The following SLC25A48 variants were observed in gnomAD, a reference collection of about 807,000 sequenced individuals.
SLC25A48 encodes CTC-321K16.1.
SLC25A48 carries 29 observed loss-of-function variants against 32.2 expected under a neutral mutation model. The ratio of observed to expected loss-of-function variants is 0.90; its 90% CI spans 0.67 to 1.23. The LOEUF (loss-of-function observed/expected upper bound fraction) is 1.23, where lower values mean the gene tolerates loss of function less well. Ranked by LOEUF, SLC25A48 falls within the 50% of genes most tolerant of loss-of-function variation. The pLI is 0.00. For missense variants in SLC25A48, 399 were observed against 422.7 expected, an observed-to-expected ratio of 0.94 and a Z score of 0.49; for synonymous variants, 164 against 172.3, an observed-to-expected ratio of 0.95 and a Z score of 0.38.
chr5:135,579,237 G>A (rs1391973773), exon 1 of SLC25A48: 2 of 219,992 alleles, frequency 9.1e-6, no homozygotes, highest in South Asian at 1.1e-4. Context: ...ACAACACGCC[G>A]CCTTCGCACA....
chr5:135,765,381 A>C (rs1030274245), intron 3 of SLC25A48, among the ~76,000 whole-genome samples: 2 of 151,334 alleles, frequency 1.3e-5, no homozygotes, highest in Admixed American at 6.6e-5. Context: ...TACTCTTCAT[A>C]TCGCTGGTGG....
In SLC25A48 at chr5:135,602,272, T is replaced by C. The variant is rs1332883053; in HGVS notation, c.-849+22675T>C. Among the ~76,000 whole-genome samples the C allele has an allele frequency of 3.3e-5, 5 of 152,352 alleles. No homozygotes were observed. In the East Asian group the frequency reaches 9.6e-4, roughly 29 times the overall value. ...TTTCCCTCACAAATGTGTTCACCAA[T>C]GTACTTTCCCCAAATCATTTACAAC... is the stretch of plus-strand genomic sequence containing the variant. On this transcript the variant is annotated intron_variant, in intron 1 of 10. Coordinates refer to the SLC25A48 transcript ENST00000646290.
chr5:135,862,624 G>A (rs1241105412), intron 4 of SLC25A48, among the ~76,000 whole-genome samples: 1 of 152,180 alleles, frequency 6.6e-6, no homozygotes, highest in East Asian at 1.9e-4. Context: ...CCCTGACTCT[G>A]GCTTGGTGGA....
At chr5:135,844,517 C>T (rs1017541128) in intron 2 of SLC25A48, among the ~76,000 whole-genome samples, 2 of 152,180 alleles carry the variant, frequency 1.3e-5, no homozygotes, top group Admixed American at 6.5e-5. Context: ...ACCACGCAGG[C>T]TCTAGGTGTG....
chr5:135,656,953 A>G (rs1291565371), intron 3 of SLC25A48, among the ~76,000 whole-genome samples: 2 of 152,158 alleles, frequency 1.3e-5, no homozygotes, highest in African/African-American at 4.8e-5. Context: ...GAAGCCACCC[A>G]GTTAGTGATA....
At chr5:135,734,545 G>A (rs866848315) in intron 3 of SLC25A48, among the ~76,000 whole-genome samples, 1 of 151,960 alleles carries the variant, frequency 6.6e-6, no homozygotes, top group African/African-American at 2.4e-5. Context: ...GAAGGGGAAG[G>A]GGCCGGGTGC....
chr5:135,864,242 G>T (rs959877113), intron 4 of SLC25A48, among the ~76,000 whole-genome samples: 1 of 152,182 alleles, frequency 6.6e-6, no homozygotes, highest in African/African-American at 2.4e-5. Flanking sequence ...TTGCCTGGCT[G>T]GGAGGTCATC....
intron 4 of SLC25A48, among the ~76,000 whole-genome samples, chr5:135,865,101 A>T (rs936983809): frequency 2.9e-4 from 44 of 152,250 alleles, no homozygotes; most frequent in African/African-American, 1.0e-3. Context: ...TAAAAGCCAA[A>T]TGAGGTGGAC....
intron 2 of SLC25A48, among the ~76,000 whole-genome samples, chr5:135,846,154 G>A (rs1759395675): frequency 3.9e-5 from 6 of 152,182 alleles, no homozygotes; most frequent in Admixed American, 3.9e-4. Flanking sequence ...AGGGATCTAG[G>A]TTGCCCGCTC....
At chr5:135,686,743 G>A (rs968117416) in intron 3 of SLC25A48, among the ~76,000 whole-genome samples, 3 of 152,172 alleles carry the variant, frequency 2.0e-5, no homozygotes, top group African/African-American at 7.2e-5. Context: ...ATGGAAAAAG[G>A]GAAGGAAGGA....
chr5:135,600,517 T>C (rs988159237), intron 1 of SLC25A48, among the ~76,000 whole-genome samples: 1 of 152,160 alleles, frequency 6.6e-6, no homozygotes, highest in African/African-American at 2.4e-5. Context: ...CTAACCTTCC[T>C]CGGGCTCCTA....
intron 3 of SLC25A48, among the ~76,000 whole-genome samples, chr5:135,681,053 T>G (rs1262425191): frequency 2.0e-5 from 3 of 152,208 alleles, no homozygotes; most frequent in Non-Finnish European, 4.4e-5. Flanking sequence ...TTGCACGATC[T>G]TGGCTCACCG....
chr5:135,586,493 GGT>G (rs1751368799), intron 1 of SLC25A48, among the ~76,000 whole-genome samples: 1 of 151,082 alleles, frequency 6.6e-6, no homozygotes, highest in Non-Finnish European at 1.5e-5. Flanking sequence ...GTGGTAATGT[GGT>G]GGTCCAAGGA....
intron 3 of SLC25A48, among the ~76,000 whole-genome samples, chr5:135,702,312 A>G (rs573451927): frequency 6.6e-6 from 1 of 152,246 alleles, no homozygotes; most frequent in Non-Finnish European, 1.5e-5. Context: ...CCTATATCCA[A>G]TGACCAGTGT....
At chr5:135,625,326 G>A (rs1272834763) in intron 1 of SLC25A48, among the ~76,000 whole-genome samples, 1 of 152,264 alleles carries the variant, frequency 6.6e-6, no homozygotes, top group East Asian at 1.9e-4. Flanking sequence ...GAGGGGCCCT[G>A]AGAACAGATG....
intron 3 of SLC25A48, among the ~76,000 whole-genome samples, chr5:135,796,694 T>C (rs879066134): frequency 6.6e-6 from 1 of 151,482 alleles, no homozygotes; most frequent in Admixed American, 6.6e-5. Context: ...TTCTGTGATA[T>C]GGTTTGTAAT....
At chr5:135,680,382 A>T (rs1753866300) in intron 3 of SLC25A48, among the ~76,000 whole-genome samples, 1 of 152,168 alleles carries the variant, frequency 6.6e-6, no homozygotes, top group Non-Finnish European at 1.5e-5. Context: ...TCCACCCCCA[A>T]AATCCTGTTG....
At chr5:135,616,211 G>A (rs552722162) in intron 1 of SLC25A48, among the ~76,000 whole-genome samples, 1 of 152,272 alleles carries the variant, frequency 6.6e-6, no homozygotes, top group East Asian at 1.9e-4. Context: ...TCCATTGGGG[G>A]ACTACCTAGT....
chr5:135,839,734 G>T (rs1355279868), intron 1 of SLC25A48, among the ~76,000 whole-genome samples: 2 of 152,162 alleles, frequency 1.3e-5, no homozygotes, highest in Non-Finnish European at 2.9e-5. Context: ...TGTCATGGGA[G>T]AGACCCATGT....
Sources: allele counts gnomAD v4.1 joint callset (sites outside exome capture counted in the v4.1 genomes callset), GRCh38; gene constraint gnomAD v4.1.1; transcripts MANE v1.5; gene names NCBI Gene and HGNC (gene_info 2026-07-23, HGNC 2026-07-21).